Variants in RIMS2 observed in about 807,000 individuals in gnomAD.
RIMS2 encodes the protein regulating synaptic membrane exocytosis 2.
RIMS2 carries 59 observed loss-of-function variants against 174.4 expected under a neutral mutation model. The ratio of observed to expected loss-of-function variants is 0.34; its 90% CI spans 0.27 to 0.42. RIMS2 has a LOEUF of 0.42. RIMS2 is among the 10% of genes least tolerant of loss of function. The pLI, the probability that RIMS2 is intolerant of heterozygous loss-of-function variation, is 1.00. For synonymous variants in RIMS2, 606 were observed against 572.5 expected, an observed-to-expected ratio of 1.06 and a Z score of -0.84; for missense variants, 1,620 against 1,666.3, an observed-to-expected ratio of 0.97 and a Z score of 0.48.
chr8:104,141,466 C>T (rs1008812093), intron 19 of RIMS2, among the ~76,000 whole-genome samples: 1 of 152,172 alleles, frequency 6.6e-6, no homozygotes, highest in African/African-American at 2.4e-5. Context: ...ATGATCTCTC[C>T]AAAATGCCCT....
chr8:103,961,212 A>G, intron 15 of RIMS2, 79 bp downstream of exon 17: 5 of 776,314 alleles, frequency 6.4e-6, no homozygotes, highest in Non-Finnish European at 1.1e-5. Flanking sequence ...TAAATAAATA[A>G]AAGAGAAAGA....
Position 103,966,643 on chromosome 8 carries a change from T to C in RIMS2, c.2770+5510T>C, listed in dbSNP as rs528840338. 1.2e-3 allele frequency among the ~76,000 whole-genome samples: 178 copies of C among 152,244 alleles called. 1 individual carries two copies. The highest frequency in any genetic ancestry group is 1.6e-3 in the Non-Finnish European group (111 of 67,990). On this transcript the variant is annotated intron_variant, in intron 15 of 23. Transcript: ENST00000504942. ...CTGACTCTAATTCTACTATTTATTTTGTAACTGCTTACTTTGCATTTAATT... is the reference window on the plus strand; with the variant it reads ...CTGACTCTAATTCTACTATTTATTTCGTAACTGCTTACTTTGCATTTAATT...
intron 1 of RIMS2, among the ~76,000 whole-genome samples, chr8:103,676,767 G>A (rs1365752340): frequency 1.3e-5 from 2 of 152,110 alleles, no homozygotes; most frequent in Non-Finnish European, 1.5e-5. Context: ...TGGATCACTT[G>A]AGGTCAAGAG....
intron 3 of RIMS2, among the ~76,000 whole-genome samples, chr8:103,802,535 A>G (rs930530151): frequency 2.0e-5 from 3 of 152,214 alleles, no homozygotes; most frequent in Non-Finnish European, 2.9e-5. Context: ...TGGCAGCCAT[A>G]CTAAGGTGAG....
rs572409874 is a variant in RIMS2 at position 104,164,346 on chromosome 8, C to CA, written c.3335-80563dup. Among the ~76,000 whole-genome samples the CA allele has an allele frequency of 1.7e-3, 251 of 151,762 alleles. 4 individuals carry two copies. The South Asian group carries it at 0.028, about 17-fold the overall frequency. ...CACATTAAAATAGATTTCTGTTTTA[C>CA]AAAAAAACACAGATTATTTAAGAAA... On this transcript the variant is annotated intron_variant, in intron 19 of 23. Transcript: ENST00000504942.
At chr8:103,888,519 G>A (rs906334596) in intron 4 of RIMS2, among the ~76,000 whole-genome samples, 8 of 151,304 alleles carry the variant, frequency 5.3e-5, no homozygotes, top group Non-Finnish European at 1.2e-4. Flanking sequence ...TGTTATCTTT[G>A]GTGGTTTGGT....
At chr8:104,074,096 T>C (rs76945371) in intron 19 of RIMS2, among the ~76,000 whole-genome samples, 1,993 of 152,320 alleles carry the variant, frequency 0.013, 23 homozygotes, top group Middle Eastern at 0.11. Context: ...TTAAGTATTT[T>C]ACATTGACTT....
At chr8:103,831,661 A>T (rs1037618490) in intron 3 of RIMS2, among the ~76,000 whole-genome samples, 4 of 152,140 alleles carry the variant, frequency 2.6e-5, no homozygotes, top group African/African-American at 7.2e-5. Context: ...TTTTGGGGGC[A>T]TCTATTCTGG....
intron 16 of RIMS2, among the ~76,000 whole-genome samples, chr8:103,979,744 G>C (rs2093735817): frequency 6.6e-6 from 1 of 152,194 alleles, no homozygotes; most frequent in South Asian, 2.1e-4. Flanking sequence ...CCCAGCAACA[G>C]TTGTTCAACA....
chr8:104,243,701 A>C (rs549117401), intron 19 of RIMS2, among the ~76,000 whole-genome samples: 1 of 152,190 alleles, frequency 6.6e-6, no homozygotes, highest in Non-Finnish European at 1.5e-5. Context: ...AAAAGAACTT[A>C]TTAATACCAG....
At chr8:103,588,653 T>A (rs2094098051) in intron 1 of RIMS2, among the ~76,000 whole-genome samples, 1 of 151,858 alleles carries the variant, frequency 6.6e-6, no homozygotes, top group South Asian at 2.1e-4. Context: ...GAATATAAAC[T>A]TGGGAAAGGG....
At chr8:104,184,498 T>A (rs2098957971) in intron 19 of RIMS2, among the ~76,000 whole-genome samples, 1 of 151,586 alleles carries the variant, frequency 6.6e-6, no homozygotes, top group African/African-American at 2.4e-5. Context: ...TAAACAATGT[T>A]TTTATTGAAA....
At chr8:104,033,886 C>T (rs147575603) in intron 19 of RIMS2, among the ~76,000 whole-genome samples, 185 of 152,186 alleles carry the variant, frequency 1.2e-3, no homozygotes, top group Non-Finnish European at 1.9e-3. Flanking sequence ...ATTTCAACAA[C>T]ATGTTTATAT....
At chr8:104,248,904 T>C (rs2099348989) in intron 21 of RIMS2, 91 bp downstream of exon 27, 2 of 669,814 alleles carry the variant, frequency 3.0e-6, no homozygotes, top group Non-Finnish European at 5.2e-6. Flanking sequence ...TCTCTCTCTC[T>C]CTCTCTCTTT....
chr8:103,858,846 G>A (rs893870340), intron 3 of RIMS2, among the ~76,000 whole-genome samples: 3 of 151,754 alleles, frequency 2.0e-5, no homozygotes, highest in Non-Finnish European at 4.4e-5. Context: ...TCATTTTCTA[G>A]TCTGAGCCAT....
intron 1 of RIMS2, among the ~76,000 whole-genome samples, chr8:103,679,733 C>G (rs1292955380): frequency 6.6e-6 from 1 of 151,806 alleles, no homozygotes; most frequent in Non-Finnish European, 1.5e-5. Flanking sequence ...GATACAATAA[C>G]TTTATGAGAT....
chr8:103,602,697 T>C (rs1325237408), intron 1 of RIMS2, among the ~76,000 whole-genome samples: 1 of 152,220 alleles, frequency 6.6e-6, no homozygotes, highest in Admixed American at 6.5e-5. Flanking sequence ...CTTCATACAG[T>C]GTATCATTGA....
At chr8:103,698,297 G>A (rs1411883752) in intron 2 of RIMS2, among the ~76,000 whole-genome samples, 1 of 152,140 alleles carries the variant, frequency 6.6e-6, no homozygotes, top group Non-Finnish European at 1.5e-5. Flanking sequence ...GTGGATGAAA[G>A]CAGACGTTCC....
chr8:103,850,726 A>G (rs777392130), intron 3 of RIMS2, among the ~76,000 whole-genome samples: 13 of 152,052 alleles, frequency 8.5e-5, no homozygotes, highest in Non-Finnish European at 1.8e-4. Context: ...GCTAAGAAAC[A>G]GTCTTGGAGT....
Sources: allele counts gnomAD v4.1 joint callset (sites outside exome capture counted in the v4.1 genomes callset), GRCh38; gene constraint gnomAD v4.1.1; transcripts MANE v1.5; gene names NCBI Gene and HGNC (gene_info 2026-07-23, HGNC 2026-07-21).